The following EPHA10 variants were observed in gnomAD, a reference collection of about 807,000 sequenced individuals.
The protein encoded by EPHA10 is ephrin type-A receptor 10.
In EPHA10, 120 loss-of-function variants were observed where a neutral mutation model predicts 109.7. The observed-to-expected ratio is 1.09, with a 90% CI of 0.94 to 1.27. EPHA10 has a LOEUF of 1.27. Ranked by LOEUF, EPHA10 falls within the 50% of genes most tolerant of loss-of-function variation. EPHA10 has a pLI of 0.00. For synonymous variants in EPHA10, 640 were observed against 618.9 expected (o/e 1.03, Z -0.51); for missense variants, 1,396 against 1,411.1 (o/e 0.99, Z 0.17).
intron 5 of EPHA10, among the ~76,000 whole-genome samples, chr1:37,739,498 G>A (rs1646120962): frequency 6.6e-6 from 1 of 152,122 alleles, no homozygotes; most frequent in African/African-American, 2.4e-5. Context: ...AGACCAGCCT[G>A]GCTAATGTAG....
At chr1:37,727,049 G>C (rs1645903524) in intron 8 of EPHA10, 53 bp downstream of exon 8, 1 of 1,427,642 alleles carries the variant, frequency 7.0e-7, no homozygotes, top group African/African-American at 1.4e-5. Context: ...ACACATTAAT[G>C]TGCACGGGAC....
rs1645718294 is a variant in EPHA10, at chr1:37,717,979, G to A, written c.*393C>T. On this transcript the variant is annotated 3_prime_UTR_variant, in exon 17 of 17. Coordinates refer to ENST00000373048, the MANE Select transcript of EPHA10 (RefSeq NM_001099439.2). ...ACTGGTCAATGGGTCTGTGGGAAAA[G>A]GGAACACCCCACGGGGTAGGCCCCA... 1 of 268,186 alleles carries A rather than the reference G, an allele frequency of 3.7e-6. No individual in the cohort carries two copies. The highest frequency in any genetic ancestry group is 7.2e-6 in the Non-Finnish European group (1 of 139,424). 16.6% of individuals were successfully genotyped at this position (268,186 alleles called of 1,614,324 possible).
At chr1:37,735,165 A>T in intron 6 of EPHA10, 92 bp downstream of exon 6, 1 of 1,499,438 alleles carries the variant, frequency 6.7e-7, no homozygotes, top group Admixed American at 2.0e-5. Context: ...GGGAGTAACG[A>T]GGGCTTTTGC....
chr1:37,724,747 GCGGCCAC>G lies in EPHA10; in HGVS notation c.1773-1382_1773-1376del, dbSNP rs1645859192. Among the ~76,000 whole-genome samples the G allele has an allele frequency of 4.6e-5, 7 of 152,320 alleles. No homozygotes were observed. The South Asian group carries it at 1.5e-3, about 32-fold the overall frequency. ...GAGCTAGGCTGTCACACAGGGGGAA[GCGGCCAC>G]CGCAGGGTGTTGACAGCCTGGGCTC... On this transcript the variant is annotated intron_variant, in intron 8 of 16. Transcript: ENST00000373048.
Position 37,765,103 on chromosome 1 carries a change from A to T in EPHA10, c.-37T>A, listed in dbSNP as rs369625502. 5.2e-4 allele frequency: 800 copies of T among 1,546,720 alleles called. 13 individuals are homozygous for T. In the South Asian group the frequency reaches 9.2e-3, roughly 18 times the overall value. ...CGAGCTGTCAGTCCGGCGGCGGCTCAAGCCGCGCCAGCCTAGCACCGCTGA... is the reference window on the plus strand; with the variant it reads ...CGAGCTGTCAGTCCGGCGGCGGCTCTAGCCGCGCCAGCCTAGCACCGCTGA... On this transcript the variant is annotated 5_prime_UTR_variant, in exon 1 of 17. Transcript: ENST00000373048.
At position 37,722,597 on chromosome 1, in the gene EPHA10, C is replaced by T. The variant is rs889135048; in HGVS notation, c.1960+444G>A. Among the ~76,000 whole-genome samples, 6 of 152,168 alleles carry T rather than the reference C, an allele frequency of 3.9e-5. 1 individual carries two copies. Among genetic ancestry groups the T allele is most frequent in the Admixed American group, 2.0e-4 (3 of 15,286 alleles). ...TGCTGGGAGTTCCCCACATTAGCCC[C>T]CAGAAGGCAGATATCATGCCCATTT... On this transcript the variant is annotated intron_variant, in intron 10 of 16. Transcript: ENST00000373048.
In EPHA10 at chr1:37,731,558, T is replaced by C. The variant is rs1645983712; in HGVS notation, c.1516A>G (p.Met506Val). The change falls in exon 7 of 17, where the codon ATG (methionine) becomes GTG (valine). Residue 506 changes from methionine to valine, a missense_variant. Coordinates refer to ENST00000373048, the MANE Select transcript of EPHA10 (RefSeq NM_001099439.2). Reference sequence around the variant, plus strand: ...ACTGTGGGCGCCCCTGTCTTCACCATGGAGTAAGTCTGCTCACTCTGACCC... The same window carrying C: ...ACTGTGGGCGCCCCTGTCTTCACCACGGAGTAAGTCTGCTCACTCTGACCC... The part of the protein sequence containing the change: ...EKGQSEQTYS[M>V]VKTGAPTVTV... The C allele has an allele frequency of 2.5e-6, 4 of 1,613,450 alleles. No individual in the cohort carries two copies. In the South Asian group the frequency reaches 3.3e-5, roughly 13 times the overall value.
chr1:37,746,153 C>T (rs681426), intron 5 of EPHA10, among the ~76,000 whole-genome samples: 49,807 of 145,168 alleles, frequency 0.34, 8,509 homozygotes, highest in Middle Eastern at 0.49. Flanking sequence ...CATGTTGGAA[C>T]GCAATGGCAC....
chr1:37,741,430 T>C lies in EPHA10; in HGVS notation c.1358-6040A>G, dbSNP rs576796917. ...AGTAGGTGGCTCAGGCTCTGACAAG[T>C]GCGTGGATGTGGCTTCTAGTCTTAA... On this transcript the variant is annotated intron_variant, in intron 5 of 16. Coordinates refer to ENST00000373048, the MANE Select transcript of EPHA10 (RefSeq NM_001099439.2). Among the ~76,000 whole-genome samples the C allele has an allele frequency of 4.6e-5, 7 of 152,314 alleles. No homozygotes were observed. In the South Asian group the frequency reaches 1.5e-3, roughly 32 times the overall value.
Position 37,732,863 on chromosome 1 carries a change from CTTTTTTTTTTTTTTTTTTTTTT to C in EPHA10, c.1492-1303_1492-1282del, listed in dbSNP as rs56226051. ...CAAATATAGCCCTTTTATACTTGTT[CTTTTTTTTTTTTTTTTTTTTTT>C]TTTTTTTTTTTTTTTTTTTTTTGAG... On this transcript the variant is annotated intron_variant, in intron 6 of 16. Transcript: ENST00000373048. Among the ~76,000 whole-genome samples, 24 of 25,000 alleles carry C rather than the reference CTTTTTTTTTTTTTTTTTTTTTT, an allele frequency of 9.6e-4. 1 individual carries two copies. Among genetic ancestry groups the C allele is most frequent in the East Asian group, 1.8e-3 (2 of 1,122 alleles). 16.4% of individuals were successfully genotyped at this position (25,000 alleles called of 152,430 possible).
At chr1:37,761,211 A>G in intron 3 of EPHA10, 194 bp downstream of exon 3, 1 of 1,479,318 alleles carries the variant, frequency 6.8e-7, no homozygotes, top group East Asian at 2.4e-5. Context: ...TTCATCTAGT[A>G]AGTTCACTCA....
chr1:37,721,980 A>C, intron 10 of EPHA10, 135 bp from the exon 11 acceptor site: 3 of 849,536 alleles, frequency 3.5e-6, no homozygotes, highest in Non-Finnish European at 1.7e-6. Flanking sequence ...AAAATACAAA[A>C]ATTAACCAGA....
chr1:37,714,984 G>T (rs1645671458), downstream of EPHA10: 1 of 152,210 alleles, frequency 6.6e-6, no homozygotes, highest in South Asian at 2.1e-4. Context: ...ATAGCCCAGT[G>T]CCCACACTGA....
intron 5 of EPHA10, among the ~76,000 whole-genome samples, chr1:37,743,583 A>T (rs1185290598): frequency 6.6e-6 from 1 of 152,260 alleles, no homozygotes; most frequent in African/African-American, 2.4e-5. Flanking sequence ...ATAACTCGTG[A>T]TGGTTTAACT....
chr1:37,723,491 G>A (rs1467526875), intron 8 of EPHA10, 119 bp from the exon 9 acceptor site: 3 of 1,119,970 alleles, frequency 2.7e-6, no homozygotes, highest in East Asian at 2.5e-5. Flanking sequence ...CCTGGGGGAG[G>A]GAACTTCTTG....
At chr1:37,723,659 G>A (rs1645840562) in intron 8 of EPHA10, among the ~76,000 whole-genome samples, 1 of 152,206 alleles carries the variant, frequency 6.6e-6, no homozygotes, top group Admixed American at 6.5e-5. Context: ...CCACATCCTG[G>A]CTGCAGGCCC....
intron 15 of EPHA10, 190 bp from the exon 16 acceptor site, chr1:37,719,006 G>GGAGGCA: frequency 1.4e-6 from 1 of 736,486 alleles, no homozygotes; most frequent in Non-Finnish European, 2.2e-6. Flanking sequence ...TCAGGCAGGT[G>GGAGGCA]GAGGCAGAGC....
At chr1:37,720,913 C>G (rs1163516019) in intron 11 of EPHA10, 69 bp from the exon 12 acceptor site, 8 of 1,524,606 alleles carry the variant, frequency 5.2e-6, no homozygotes, top group South Asian at 2.3e-5. Flanking sequence ...AAGTTTCCCC[C>G]CCAGGGTCCC....
chr1:37,760,951 G>A (rs184155027), intron 3 of EPHA10: 1 of 202,982 alleles, frequency 4.9e-6, no homozygotes, highest in East Asian at 8.2e-5. Flanking sequence ...GGGCATGGTG[G>A]TGCACGCCTA....
Sources: allele counts gnomAD v4.1 joint callset (sites outside exome capture counted in the v4.1 genomes callset), GRCh38; gene constraint gnomAD v4.1.1; transcripts MANE v1.5; gene names NCBI Gene and HGNC (gene_info 2026-07-23, HGNC 2026-07-21).